EGFR: variants seen among roughly 807,000 people sequenced by gnomAD.
The protein encoded by EGFR is epidermal growth factor receptor.
EGFR carries 58 observed loss-of-function variants against 143.0 expected under a neutral mutation model. The ratio of observed to expected loss-of-function variants is 0.41; its 90% CI spans 0.33 to 0.50. The LOEUF is 0.50. EGFR is among the 20% of genes least tolerant of loss of function. The pLI is 0.39. For synonymous variants in EGFR, 613 were observed against 594.4 expected (o/e 1.03, Z -0.45); for missense variants, 1,307 against 1,579.0 (o/e 0.83, Z 2.92).
At chr7:55,129,528 G>A (rs1172178634) in intron 1 of EGFR, among the ~76,000 whole-genome samples, 2 of 152,178 alleles carry the variant, frequency 1.3e-5, no homozygotes, top group Non-Finnish European at 2.9e-5. Context: ...AGGAGGAGTG[G>A]ACAACCATTT....
intron 1 of EGFR, among the ~76,000 whole-genome samples, chr7:55,067,570 G>A (rs928570186): frequency 4.0e-5 from 6 of 151,492 alleles, no homozygotes; most frequent in African/African-American, 1.2e-4. Flanking sequence ...CCATTTTTAA[G>A]TGTACGGTTC....
rs745606830 is a variant in EGFR, at chr7:55,181,524, A to T, written c.2469+46A>T. 6 of 1,612,996 alleles carry T rather than the reference A, an allele frequency of 3.7e-6. No homozygotes were observed. The South Asian group carries it at 6.6e-5, about 18-fold the overall frequency. On this transcript the variant is annotated intron_variant, in intron 20 of 27. Coordinates refer to ENST00000275493, the MANE Select transcript of EGFR (RefSeq NM_005228.5). The stretch of plus-strand genomic sequence containing the variant: ...CGGGGAGGGGAGATAAGGAGCCAGG[A>T]TCCTCACATGCGGTCTGCGCTCCTG...
intron 1 of EGFR, among the ~76,000 whole-genome samples, chr7:55,086,355 TCC>T (rs1276975237): frequency 3.0e-5 from 3 of 100,304 alleles, no homozygotes; most frequent in African/African-American, 9.4e-5. Flanking sequence ...GTTATTTTGC[TCC>T]CTTTCCCTTT....
chr7:55,172,882 C>T (rs1321004755), intron 16 of EGFR, 101 bp from the exon 17 acceptor site: 2 of 1,610,102 alleles, frequency 1.2e-6, no homozygotes, highest in Non-Finnish European at 1.7e-6. Flanking sequence ...GATCATTCTA[C>T]AAGATGTCAG....
chr7:55,148,593 A>G (rs1794886197), intron 4 of EGFR, among the ~76,000 whole-genome samples: 1 of 152,250 alleles, frequency 6.6e-6, no homozygotes, highest in African/African-American at 2.4e-5. Context: ...TTATTCAATA[A>G]ATTGTCTGGA....
chr7:55,155,564 G>A (rs892700159), intron 7 of EGFR, among the ~76,000 whole-genome samples: 1 of 152,184 alleles, frequency 6.6e-6, no homozygotes, highest in Non-Finnish European at 1.5e-5. Flanking sequence ...CTGCTGGGAC[G>A]CAAAACAGCT....
rs568744019 is a variant in EGFR at position 55,134,302 on chromosome 7, C to G, written c.89-7984C>G. ...GACTCAGGATTCAGTGAGGCCCACC[C>G]CAGCCACACACAGGTCCAGTTCCAG... On this transcript the variant is annotated intron_variant, in intron 1 of 27. Transcript: ENST00000275493. 2.3e-3 allele frequency among the ~76,000 whole-genome samples: 346 copies of G among 148,286 alleles called. 2 individuals carry two copies. Among genetic ancestry groups the G allele is most frequent in the Admixed American group, 4.0e-3 (59 of 14,838 alleles).
chr7:55,100,699 G>A lies in EGFR; in HGVS notation c.89-41587G>A, dbSNP rs563821576. ...GTCATCTCCACACGCCGTCCTTGGG[G>A]TGGGCCACTCCTGGGACACGCAGAC... is the stretch of plus-strand genomic sequence containing the variant. On this transcript the variant is annotated intron_variant, in intron 1 of 27. Transcript: ENST00000275493. Among the ~76,000 whole-genome samples the A allele has an allele frequency of 2.0e-5, 3 of 152,294 alleles. No homozygotes were observed. The East Asian group carries it at 5.8e-4, about 29-fold the overall frequency.
chr7:55,108,543 G>A (rs1158921959), intron 1 of EGFR, among the ~76,000 whole-genome samples: 1 of 152,218 alleles, frequency 6.6e-6, no homozygotes, highest in Non-Finnish European at 1.5e-5. Context: ...ATTTTCAGAA[G>A]TTGAGAAATA....
chr7:55,109,169 A>G (rs1792314772), intron 1 of EGFR, among the ~76,000 whole-genome samples: 1 of 152,236 alleles, frequency 6.6e-6, no homozygotes, highest in Non-Finnish European at 1.5e-5. Flanking sequence ...TCAGAAAGGA[A>G]ATAGATTAAT....
chr7:55,120,326 C>G (rs1410236962), intron 1 of EGFR, among the ~76,000 whole-genome samples: 1 of 152,216 alleles, frequency 6.6e-6, no homozygotes, highest in Non-Finnish European at 1.5e-5. Context: ...TCTCCACTTC[C>G]TGGTACCCTG....
At chr7:55,137,134 C>T (rs1270368579) in intron 1 of EGFR, among the ~76,000 whole-genome samples, 3 of 152,058 alleles carry the variant, frequency 2.0e-5, no homozygotes, top group Non-Finnish European at 4.4e-5. Context: ...AATGTAGTTG[C>T]AGAACAGGCT....
chr7:55,126,146 C>A (rs1186958643), intron 1 of EGFR, among the ~76,000 whole-genome samples: 7 of 152,180 alleles, frequency 4.6e-5, no homozygotes, highest in Admixed American at 3.3e-4. Flanking sequence ...CCTCTCAGAC[C>A]AGGTCAGGTT....
Position 55,036,762 on chromosome 7 carries a change from G to GAAATAAATACAAATTATTTCAAAATAGTA in EGFR, c.88+17397_88+17398insAAATAAATACAAATTATTTCAAAATAGTA, listed in dbSNP as rs1787608400. On this transcript the variant is annotated intron_variant, in intron 1 of 27. Transcript: ENST00000275493. ...TTAATTACAAATTATATAAAAATAG[G>GAAATAAATACAAATTATTTCAAAATAGTA]TTTTGAAATACTGTAGCGACAAAGT... Among the ~76,000 whole-genome samples, 51 of 152,146 alleles carry GAAATAAATACAAATTATTTCAAAATAGTA rather than the reference G, an allele frequency of 3.4e-4. 1 individual carries two copies. The highest frequency in any genetic ancestry group is 3.3e-3 in the Admixed American group (51 of 15,266).
intron 24 of EGFR, chr7:55,200,625 C>T (rs1179500102): frequency 7.9e-6 from 5 of 629,512 alleles, no homozygotes; most frequent in Admixed American, 6.9e-5. Context: ...CCATCTCCCC[C>T]TCCCCGTCTG....
intron 1 of EGFR, among the ~76,000 whole-genome samples, chr7:55,118,466 G>A (rs534053732): frequency 6.6e-6 from 1 of 152,332 alleles, no homozygotes; most frequent in African/African-American, 2.4e-5. Context: ...AGTGGTAGAA[G>A]CAGGTGGACC....
chr7:55,023,781 C>A (rs1397022041), intron 1 of EGFR, among the ~76,000 whole-genome samples: 1 of 150,698 alleles, frequency 6.6e-6, no homozygotes, highest in Non-Finnish European at 1.5e-5. Flanking sequence ...CTGGTTTATT[C>A]TTGAACCACT....
intron 1 of EGFR, among the ~76,000 whole-genome samples, chr7:55,071,203 G>A (rs1211863040): frequency 6.6e-6 from 1 of 152,224 alleles, no homozygotes; most frequent in Non-Finnish European, 1.5e-5. Context: ...AGAGCTGGAA[G>A]GCTTCTGCCC....
intron 1 of EGFR, among the ~76,000 whole-genome samples, chr7:55,064,954 T>C (rs1789412431): frequency 6.6e-6 from 1 of 152,056 alleles, no homozygotes; most frequent in African/African-American, 2.4e-5. Context: ...CACTGCGTCC[T>C]CCTGGAAGAG....
Sources: allele counts gnomAD v4.1 joint callset (sites outside exome capture counted in the v4.1 genomes callset), GRCh38; gene constraint gnomAD v4.1.1; transcripts MANE v1.5; gene names NCBI Gene and HGNC (gene_info 2026-07-23, HGNC 2026-07-21).